PRDX4: variants seen among roughly 807,000 people sequenced by gnomAD.
PRDX4 encodes peroxiredoxin 4.
Under a neutral mutation model 20.5 loss-of-function variants are expected in PRDX4, and 12 were observed. The ratio of observed to expected loss-of-function variants is 0.58; its 90% CI spans 0.37 to 0.95. PRDX4 has a LOEUF of 0.95. PRDX4 is among the 40% of genes least tolerant of loss of function. The pLI, the probability that PRDX4 is intolerant of heterozygous loss-of-function variation, is 0.01. For missense variants in PRDX4, 180 were observed against 207.3 expected (o/e 0.87, Z 0.81); for synonymous variants, 99 against 87.5 (o/e 1.13, Z -0.73).
intron 1 of PRDX4, among the ~76,000 whole-genome samples, chrX:23,668,955 T>TCACCCAGG (rs1448459005): frequency 9.1e-6 from 1 of 109,635 alleles, no homozygotes; most frequent in African/African-American, 3.3e-5. Flanking sequence ...TCTTGCTCTG[T>TCACCCAGG]CACCCAGGCA....
intron 1 of PRDX4, among the ~76,000 whole-genome samples, chrX:23,668,124 A>T (rs1927768163): frequency 8.9e-6 from 1 of 112,586 alleles, no homozygotes; most frequent in South Asian, 3.6e-4. Flanking sequence ...TTCCTGAAAC[A>T]TCTCAAAGTG....
chrX:23,679,409 G>A, intron 4 of PRDX4, 122 bp downstream of exon 4: 1 of 821,462 alleles, frequency 1.2e-6, no homozygotes, highest in Non-Finnish European at 1.7e-6. Flanking sequence ...TTGAGGCCAG[G>A]CACGGTAGCT....
intron 4 of PRDX4, among the ~76,000 whole-genome samples, chrX:23,680,814 G>A (rs1209389270): frequency 9.0e-6 from 1 of 111,245 alleles, no homozygotes; most frequent in Non-Finnish European, 1.9e-5. Flanking sequence ...AAGAGGCTGA[G>A]ATAAGAGGAT....
chrX:23,670,039 C>G (rs932757451), intron 1 of PRDX4, among the ~76,000 whole-genome samples: 1 of 111,549 alleles, frequency 9.0e-6, no homozygotes, highest in Non-Finnish European at 1.9e-5. Flanking sequence ...CTTTGTACTT[C>G]TCTGCATTTA....
chrX:23,673,884 T>C (rs1316070598), intron 2 of PRDX4, among the ~76,000 whole-genome samples: 1 of 110,224 alleles, frequency 9.1e-6, no homozygotes, highest in Non-Finnish European at 1.9e-5. Flanking sequence ...GACATGACAG[T>C]GCTGTACCTG....
intron 5 of PRDX4, among the ~76,000 whole-genome samples, chrX:23,683,152 A>G (rs1928121178): frequency 9.1e-6 from 1 of 110,355 alleles, no homozygotes; most frequent in Non-Finnish European, 1.9e-5. Flanking sequence ...CTTATTCAGT[A>G]TCACATTTGT....
Position 23,675,125 on chromosome X carries a change from T to G in PRDX4, c.476+19T>G, listed in dbSNP as rs756558119. ...TGGCCTGGTCAGTATCTTACACTTATATTCGTAGAAAAAAAAGAATGGATT... is the reference window on the plus strand; with the variant it reads ...TGGCCTGGTCAGTATCTTACACTTAGATTCGTAGAAAAAAAAGAATGGATT... On this transcript the variant is annotated intron_variant, in intron 3 of 6. Coordinates refer to ENST00000379341, the MANE Select transcript of PRDX4 (RefSeq NM_006406.2). 2.5e-5 allele frequency: 30 copies of G among 1,209,848 alleles called. No individual in the cohort carries two copies. Among genetic ancestry groups the G allele is most frequent in the Non-Finnish European group, 3.2e-5 (29 of 895,155 alleles).
chrX:23,675,878 C>T (rs1332774649), intron 3 of PRDX4, among the ~76,000 whole-genome samples: 1 of 111,628 alleles, frequency 9.0e-6, no homozygotes, highest in Non-Finnish European at 1.9e-5. Flanking sequence ...CCTCTAATCC[C>T]AGCACTTTGG....
At chrX:23,684,933 C>A (rs1928156379) in intron 6 of PRDX4, among the ~76,000 whole-genome samples, 3 of 112,106 alleles carry the variant, frequency 2.7e-5, no homozygotes, top group African/African-American at 9.7e-5. Flanking sequence ...TGAATAGTTT[C>A]CATATAGTGA....
rs768764973 is a variant in PRDX4 at position 23,675,659 on chromosome X, A to T, written c.476+553A>T. Among the ~76,000 whole-genome samples, 3 of 112,612 alleles carry T rather than the reference A, an allele frequency of 2.7e-5. No individual in the cohort carries two copies. The South Asian group carries it at 1.1e-3, about 41-fold the overall frequency. On this transcript the variant is annotated intron_variant, in intron 3 of 6. Coordinates refer to ENST00000379341, the MANE Select transcript of PRDX4 (RefSeq NM_006406.2). ...TGTCTGGTTGGCCAAGATTTAAAAGATTGAAAAAATGTATCCACTGTGGAC... is the reference window on the plus strand; with the variant it reads ...TGTCTGGTTGGCCAAGATTTAAAAGTTTGAAAAAATGTATCCACTGTGGAC...
chrX:23,673,302 C>T (rs183529503), intron 2 of PRDX4, among the ~76,000 whole-genome samples: 4 of 112,550 alleles, frequency 3.6e-5, no homozygotes, highest in Admixed American at 2.8e-4. Flanking sequence ...TAATGCTGGA[C>T]TGTGCCTGGT....
At chrX:23,676,136 C>CAAAAAAAAAAAAAAAAAAAAAAAAA (rs55792240) in intron 3 of PRDX4, among the ~76,000 whole-genome samples, 2 of 54,999 alleles carry the variant, frequency 3.6e-5, no homozygotes, top group Non-Finnish European at 6.5e-5. Flanking sequence ...AACTCCATCT[C>CAAAAAAAAAAAAAAAAAAAAAAAAA]AAAAAAAAAA....
intron 3 of PRDX4, 65 bp downstream of exon 3, chrX:23,675,171 A>G: frequency 8.3e-7 from 1 of 1,207,689 alleles, no homozygotes. Flanking sequence ...GCATGGACAG[A>G]TAACTCTTGA....
intron 4 of PRDX4, among the ~76,000 whole-genome samples, chrX:23,680,580 A>G (rs1426806376): frequency 9.0e-6 from 1 of 111,311 alleles, no homozygotes; most frequent in Non-Finnish European, 1.9e-5. Flanking sequence ...TTCACATATA[A>G]TACAATACCC....
chrX:23,674,227 TATC>T (rs1927900719), intron 2 of PRDX4, among the ~76,000 whole-genome samples: 1 of 112,218 alleles, frequency 8.9e-6, no homozygotes, highest in African/African-American at 3.2e-5. Flanking sequence ...ATATTTTGAA[TATC>T]ATCACTGTTG....
intron 3 of PRDX4, among the ~76,000 whole-genome samples, chrX:23,677,162 G>A (rs1359916645): frequency 9.0e-6 from 1 of 111,480 alleles, no homozygotes; most frequent in African/African-American, 3.3e-5. Context: ...AGGAAATTTG[G>A]GGATACATTC....
At chrX:23,677,675 TATG>T (rs1211187299) in intron 3 of PRDX4, among the ~76,000 whole-genome samples, 1 of 112,020 alleles carries the variant, frequency 8.9e-6, no homozygotes, top group Non-Finnish European at 1.9e-5. Context: ...GGCTTTATCT[TATG>T]ATCACACTAC....
intron 2 of PRDX4, among the ~76,000 whole-genome samples, chrX:23,671,919 CTGA>C (rs759380450): frequency 1.1e-4 from 12 of 112,139 alleles, no homozygotes; most frequent in Non-Finnish European, 2.3e-4. Context: ...AGAAAATGGA[CTGA>C]TAATATATTA....
chrX:23,681,053 C>A (rs1211853111), intron 4 of PRDX4, among the ~76,000 whole-genome samples: 1 of 110,883 alleles, frequency 9.0e-6, no homozygotes, highest in African/African-American at 3.3e-5. Context: ...CACGGTGAAA[C>A]CCCATCTCTA....
Sources: gnomAD v4.1 joint callset for allele counts (sites outside exome capture counted in the v4.1 genomes callset) on GRCh38, gnomAD v4.1.1 for gene constraint, MANE v1.5 for transcripts, NCBI Gene and HGNC (gene_info 2026-07-23, HGNC 2026-07-21) for gene names.